Variants in BIRC6 observed in about 807,000 individuals in gnomAD.
BIRC6 encodes baculoviral IAP repeat containing 6, also known as dual E2 ubiquitin-conjugating enzyme/E3 ubiquitin-protein ligase BIRC6.
Under a neutral mutation model 503.3 loss-of-function variants are expected in BIRC6, and 98 were observed. The observed-to-expected ratio is 0.19, with a 90% confidence interval of 0.17 to 0.23. BIRC6 has a LOEUF of 0.23. BIRC6 is among the 10% of genes least tolerant of loss of function. BIRC6 has a pLI of 1.00. For synonymous variants in BIRC6, 2,240 were observed against 2,078.7 expected (o/e 1.08, Z -2.11); for missense variants, 5,360 against 5,806.0 (o/e 0.92, Z 2.50).
chr2:32,519,402 A>T (rs1167669477), intron 57 of BIRC6, among the ~76,000 whole-genome samples: 1 of 152,160 alleles, frequency 6.6e-6, no homozygotes, highest in African/African-American at 2.4e-5. Context: ...CAGACAGAAC[A>T]TTTTCCCCTA....
chr2:32,408,368 C>A (rs1042195500), intron 9 of BIRC6, among the ~76,000 whole-genome samples: 3 of 152,112 alleles, frequency 2.0e-5, no homozygotes, highest in Non-Finnish European at 4.4e-5. Flanking sequence ...CCTCAGCCTC[C>A]CAAAGTGCTG....
chr2:32,416,625 C>G (rs554089098), intron 10 of BIRC6, among the ~76,000 whole-genome samples: 1 of 152,098 alleles, frequency 6.6e-6, no homozygotes, highest in South Asian at 2.1e-4. Flanking sequence ...ACTTAGCAAA[C>G]AATTTTTAGT....
At position 32,505,085 on chromosome 2, in the gene BIRC6, T is replaced by A. The variant is rs2053650524; in HGVS notation, c.9580T>A (p.Ser3194Thr). The A allele has an allele frequency of 6.2e-7, 1 of 1,613,070 alleles. No individual in the cohort carries two copies. Among genetic ancestry groups the A allele is most frequent in the African/African-American group, 1.3e-5 (1 of 75,058 alleles). The change falls in exon 50 of 74, where the codon TCT (serine) becomes ACT (threonine). Residue 3194 changes from serine (S) to threonine (T), a missense_variant. Ser to Thr is a moderately conservative substitution (Grantham distance 58). Coordinates refer to ENST00000421745, the MANE Select transcript of BIRC6 (RefSeq NM_016252.4). The part of the protein sequence containing the change: ...QATPPHRRAR[S>T]AAWSYIFLPE... The stretch of plus-strand genomic sequence containing the variant: ...CACACCTCCTCACAGAAGAGCTCGC[T>A]CTGCTGCTTGGTCCTACATCTTTCT...
chr2:32,606,433 A>T (rs1274502142), intron 71 of BIRC6, among the ~76,000 whole-genome samples: 1 of 148,126 alleles, frequency 6.8e-6, no homozygotes, highest in Non-Finnish European at 1.5e-5. Flanking sequence ...ACTAAAAATT[A>T]AAAAAAAAAA....
chr2:32,455,617 A>G (rs887664761), intron 23 of BIRC6, among the ~76,000 whole-genome samples: 4 of 152,098 alleles, frequency 2.6e-5, no homozygotes, highest in African/African-American at 7.2e-5. Flanking sequence ...ACAGAGTGAG[A>G]CTCCGTCTCA....
intron 6 of BIRC6, 60 bp from the exon 7 acceptor site, chr2:32,401,103 A>G: frequency 7.1e-7 from 1 of 1,414,218 alleles, no homozygotes; most frequent in Non-Finnish European, 9.9e-7. Flanking sequence ...GTTCTGTTTT[A>G]ATGTACAAAC....
chr2:32,550,946 T>A (rs1424425870), intron 65 of BIRC6, among the ~76,000 whole-genome samples: 2 of 152,130 alleles, frequency 1.3e-5, no homozygotes, highest in Admixed American at 6.6e-5. Flanking sequence ...TATGATGTAT[T>A]ATTTTCCTGG....
chr2:32,384,605 A>T (rs372783307), intron 3 of BIRC6, among the ~76,000 whole-genome samples: 2 of 152,178 alleles, frequency 1.3e-5, no homozygotes, highest in African/African-American at 4.8e-5. Flanking sequence ...ACTGTCAGAT[A>T]GCTGGCTGTT....
intron 66 of BIRC6, among the ~76,000 whole-genome samples, chr2:32,586,756 T>C (rs1374050448): frequency 6.6e-6 from 1 of 152,174 alleles, no homozygotes; most frequent in African/African-American, 2.4e-5. Flanking sequence ...ATTTGAAGTC[T>C]GTTGCTAAGT....
At chr2:32,589,776 C>T (rs1186598343) in intron 66 of BIRC6, among the ~76,000 whole-genome samples, 5 of 152,130 alleles carry the variant, frequency 3.3e-5, no homozygotes, top group African/African-American at 1.2e-4. Context: ...TGTGGCAACT[C>T]TATTTAACAG....
At chr2:32,450,342 G>A (rs559004867) in intron 22 of BIRC6, among the ~76,000 whole-genome samples, 105 of 152,198 alleles carry the variant, frequency 6.9e-4, no homozygotes, top group African/African-American at 2.4e-3. Flanking sequence ...AGCCAAATGC[G>A]GTGATGGGCA....
intron 69 of BIRC6, among the ~76,000 whole-genome samples, chr2:32,598,701 T>C (rs528489944): frequency 6.6e-6 from 1 of 152,192 alleles, no homozygotes; most frequent in Non-Finnish European, 1.5e-5. Flanking sequence ...TATTGGCCCA[T>C]TGACTTGTAG....
intron 65 of BIRC6, among the ~76,000 whole-genome samples, chr2:32,569,178 G>A (rs2059752447): frequency 1.3e-5 from 2 of 151,756 alleles, no homozygotes; most frequent in Admixed American, 6.6e-5. Flanking sequence ...TAGTAGAGAT[G>A]GGGTTTCGCC....
At chr2:32,539,279 C>A (rs2057472973) in intron 61 of BIRC6, among the ~76,000 whole-genome samples, 1 of 152,178 alleles carries the variant, frequency 6.6e-6, no homozygotes. Flanking sequence ...TAACATTTAT[C>A]TCTCAGTAAA....
rs571165015 is a variant in BIRC6, at chr2:32,438,645, C to T, written c.3632-863C>T. 3.7e-3 allele frequency among the ~76,000 whole-genome samples: 560 copies of T among 150,948 alleles called. 5 individuals are homozygous for T. Among genetic ancestry groups the T allele is most frequent in the Non-Finnish European group, 5.8e-3 (390 of 67,786 alleles). The stretch of plus-strand genomic sequence containing the variant: ...TGCCATCTTGGCTCACGGCAAGCTC[C>T]GCCTCCTGGGTTCACGCCATTCTCC... On this transcript the variant is annotated intron_variant, in intron 15 of 73. Transcript: ENST00000421745.
chr2:32,394,503 C>T (rs1467843945), intron 5 of BIRC6, among the ~76,000 whole-genome samples: 1 of 151,798 alleles, frequency 6.6e-6, no homozygotes, highest in Non-Finnish European at 1.5e-5. Context: ...TTTTACTTGC[C>T]CTTCTTGTTC....
chr2:32,429,203 A>C lies in BIRC6; in HGVS notation c.2930A>C (p.Asp977Ala), dbSNP rs376161591. ...ACCTGTGATGATATTGATGAAGCTG[A>C]TATACTAGTGGATGGATCTCTTTCT... ...GGTCDDIDEA[D>A]ILVDGSLSKG... The change falls in exon 11 of 74, where the codon GAT becomes GCT. Residue 977 changes from aspartate (D) to alanine (A), a missense_variant. Physicochemically the swap from Asp to Ala is moderately radical, Grantham distance 126 (BLOSUM62 -2). Transcript: ENST00000421745. 31 of 1,583,618 alleles carry C rather than the reference A, an allele frequency of 2.0e-5. No individual in the cohort carries two copies. Among genetic ancestry groups the C allele is most frequent in the Non-Finnish European group, 2.6e-5 (30 of 1,163,072 alleles).
chr2:32,534,044 G>A (rs1289945468), intron 61 of BIRC6, among the ~76,000 whole-genome samples: 1 of 152,106 alleles, frequency 6.6e-6, no homozygotes, highest in African/African-American at 2.4e-5. Context: ...TAAGGATACT[G>A]TTAGGTGTGT....
intron 1 of BIRC6, among the ~76,000 whole-genome samples, chr2:32,365,187 A>G (rs900373948): frequency 6.6e-6 from 1 of 152,252 alleles, no homozygotes; most frequent in South Asian, 2.1e-4. Context: ...TTTAAGTTCC[A>G]GGTGTGACCT....
Sources: allele counts gnomAD v4.1 joint callset (sites outside exome capture counted in the v4.1 genomes callset), GRCh38; gene constraint gnomAD v4.1.1; transcripts MANE v1.5; gene names NCBI Gene and HGNC (gene_info 2026-07-23, HGNC 2026-07-21).